SCAF4: variants seen among roughly 807,000 people sequenced by gnomAD.
SCAF4 encodes the protein SR-related CTD associated factor 4.
Under a neutral mutation model 129.8 loss-of-function variants are expected in SCAF4, and 25 were observed. The ratio of observed to expected loss-of-function variants is 0.19; its 90% CI spans 0.14 to 0.27. The LOEUF (loss-of-function observed/expected upper bound fraction) is 0.27. Ranked by LOEUF, SCAF4 falls within the 10% of genes least tolerant of loss-of-function variation. The pLI is 1.00. For synonymous variants in SCAF4, 551 were observed against 497.7 expected, an observed-to-expected ratio of 1.11 and a Z score of -1.43; for missense variants, 1,246 against 1,457.1, an observed-to-expected ratio of 0.86 and a Z score of 2.36.
At chr21:31,690,726 G>T in intron 15 of SCAF4, 71 bp downstream of exon 15, 1 of 1,404,628 alleles carries the variant, frequency 7.1e-7, no homozygotes, top group South Asian at 1.4e-5. Flanking sequence ...GCAAGGAACA[G>T]GACATTCGAT....
chr21:31,731,315 GA>G (rs1242044049), intron 1 of SCAF4, among the ~76,000 whole-genome samples: 13 of 152,198 alleles, frequency 8.5e-5, no homozygotes, highest in Non-Finnish European at 1.6e-4. Context: ...CTGCGAACCC[GA>G]CAACGGGGCT....
At chr21:31,706,622 G>C (rs1192988946) in intron 1 of SCAF4, 4 of 430,744 alleles carry the variant, frequency 9.3e-6, no homozygotes, top group Non-Finnish European at 1.7e-5. Context: ...GAGCCCAAGA[G>C]GCAATCGGCA....
intron 1 of SCAF4, among the ~76,000 whole-genome samples, chr21:31,720,810 T>C (rs2051048324): frequency 6.6e-6 from 1 of 152,222 alleles, no homozygotes; most frequent in African/African-American, 2.4e-5. Flanking sequence ...CTTAAAATAG[T>C]ACGTCAAAAC....
chr21:31,679,867 CATA>C (rs745486440), intron 19 of SCAF4, among the ~76,000 whole-genome samples: 1 of 152,066 alleles, frequency 6.6e-6, no homozygotes, highest in Non-Finnish European at 1.5e-5. Context: ...TTTCAGTTAG[CATA>C]ATAATAATTA....
intron 6 of SCAF4, 52 bp from the exon 7 acceptor site, chr21:31,701,223 T>C: frequency 7.0e-7 from 1 of 1,429,952 alleles, no homozygotes; most frequent in Non-Finnish European, 9.4e-7. Flanking sequence ...AATCATACTA[T>C]CAAAAGTTAA....
intron 19 of SCAF4, among the ~76,000 whole-genome samples, chr21:31,677,062 C>A (rs1377471609): frequency 6.6e-6 from 1 of 152,052 alleles, no homozygotes; most frequent in Non-Finnish European, 1.5e-5. Context: ...TATGAATATA[C>A]CATATTTTAG....
Position 31,705,512 on chromosome 21 carries a change from T to A in SCAF4, c.115-45A>T, listed in dbSNP as rs777912018. 9.3e-6 allele frequency: 8 copies of A among 859,158 alleles called. No individual in the cohort carries two copies. The Admixed American group carries it at 1.2e-4, about 13-fold the overall frequency. The allele number at this position is 859,158 out of a possible 1,614,324, so 53.2% of individuals were successfully genotyped here. On this transcript the variant is annotated intron_variant, in intron 2 of 19. Transcript: ENST00000286835. The stretch of plus-strand genomic sequence containing the variant: ...AATTACTGTTCAGTTTACTTATTTC[T>A]ACATTTCCTATAATTAGAAAATTCT...
At chr21:31,693,202 T>A (rs2050300798) in intron 12 of SCAF4, 92 bp downstream of exon 12, 4 of 928,116 alleles carry the variant, frequency 4.3e-6, no homozygotes, top group Non-Finnish European at 3.0e-6. Flanking sequence ...GTGGTAACAT[T>A]TCTTTTATAG....
intron 7 of SCAF4, among the ~76,000 whole-genome samples, chr21:31,699,494 T>C (rs1055761120): frequency 2.0e-5 from 3 of 147,428 alleles, no homozygotes; most frequent in African/African-American, 8.0e-5. Flanking sequence ...TAACTTTCTG[T>C]ATTATTTGTT....
At chr21:31,680,364 T>C (rs994052061) in intron 19 of SCAF4, among the ~76,000 whole-genome samples, 1 of 152,226 alleles carries the variant, frequency 6.6e-6, no homozygotes, top group African/African-American at 2.4e-5. Context: ...CATTATCCAC[T>C]GTATCCAATG....
chr21:31,728,005 A>G (rs2051251305), intron 1 of SCAF4, among the ~76,000 whole-genome samples: 2 of 152,124 alleles, frequency 1.3e-5, no homozygotes, highest in African/African-American at 4.8e-5. Context: ...GGTATCTTTA[A>G]TAACCTCTCT....
At chr21:31,697,894 G>A (rs2050426972) in intron 7 of SCAF4, among the ~76,000 whole-genome samples, 2 of 152,306 alleles carry the variant, frequency 1.3e-5, no homozygotes, top group East Asian at 1.9e-4. Context: ...TTTCTGAACA[G>A]GAACCATCAC....
chr21:31,725,697 C>T (rs562524672), intron 1 of SCAF4, among the ~76,000 whole-genome samples: 1 of 152,168 alleles, frequency 6.6e-6, no homozygotes, highest in African/African-American at 2.4e-5. Flanking sequence ...ATAGTTCTTG[C>T]CTTTTTGTTC....
chr21:31,681,269 C>T (rs1280898061), intron 19 of SCAF4, among the ~76,000 whole-genome samples: 2 of 152,054 alleles, frequency 1.3e-5, no homozygotes, highest in Non-Finnish European at 2.9e-5. Flanking sequence ...TTTAATTTTC[C>T]ATAAAAGGAA....
intron 1 of SCAF4, among the ~76,000 whole-genome samples, chr21:31,714,577 C>T (rs1208887547): frequency 6.6e-6 from 1 of 152,106 alleles, no homozygotes; most frequent in Non-Finnish European, 1.5e-5. Context: ...TCCCTCATAC[C>T]AGTAAAGAGT....
chr21:31,683,352 GTGTT>G (rs1239050545), intron 19 of SCAF4, among the ~76,000 whole-genome samples: 1 of 152,202 alleles, frequency 6.6e-6, no homozygotes, highest in Admixed American at 6.5e-5. Flanking sequence ...CTTCTCATCT[GTGTT>G]TGGTTGCACA....
rs1053028414 is a variant in SCAF4, at chr21:31,671,883, T to C, written c.2960A>G (p.Asn987Ser). The C allele has an allele frequency of 6.2e-7, 1 of 1,614,184 alleles. No homozygotes were observed. The highest frequency in any genetic ancestry group is 8.5e-7 in the Non-Finnish European group (1 of 1,180,008). The change falls in exon 20 of 20, where the codon AAC becomes AGC. Residue 987 changes from asparagine (N) to serine (S), a missense_variant. Around this residue, in one of 6 missense-constraint regions of SCAF4, gnomAD observed 339 missense variants for 325.0 expected, o/e 1.04. Transcript: ENST00000286835. ...TCTACCTGAATTGAACTGCTGCCTG[T>C]TATCATTTCTAAACTGCTGTGGCTG... ...QQQPQQFRND[N>S]RQQFNSGRDQ...
chr21:31,674,740 T>C (rs746061944), intron 19 of SCAF4, among the ~76,000 whole-genome samples: 9 of 152,212 alleles, frequency 5.9e-5, no homozygotes, highest in Non-Finnish European at 1.2e-4. Flanking sequence ...GTTCATTTCA[T>C]TTGGAAATAT....
At chr21:31,706,390 T>G (rs144729362) in intron 1 of SCAF4, 33 bp from the exon 2 acceptor site, 1 of 1,420,160 alleles carries the variant, frequency 7.0e-7, no homozygotes, top group Non-Finnish European at 9.8e-7. Context: ...AAAAGTAAAG[T>G]TTAACTATTT....
Sources: allele counts gnomAD v4.1 joint callset (sites outside exome capture counted in the v4.1 genomes callset), GRCh38; gene constraint gnomAD v4.1.1; regional missense constraint gnomAD v4.1.1; transcripts MANE v1.5; gene names NCBI Gene and HGNC (gene_info 2026-07-23, HGNC 2026-07-21).